AFG2B: variants seen among roughly 807,000 people sequenced by gnomAD.
AFG2B encodes the protein AAA ATPase AFG2B, also known as ATPase family gene 2 protein homolog B.
At chr15:45,403,308 C>T in the AFG2B span, 1 of 1,593,750 alleles carries the variant, frequency 6.3e-7, no homozygotes, top group Non-Finnish European at 8.5e-7. Flanking sequence ...GGGAACTGGC[C>T]AGCCGCGGAC....
the AFG2B span, among the ~76,000 whole-genome samples, chr15:45,413,943 T>C: frequency 6.6e-6 from 1 of 152,208 alleles, no homozygotes; most frequent in African/African-American, 2.4e-5. Flanking sequence ...ACTCATTCAT[T>C]ATTCGGTTTA....
At chr15:45,402,602 TC>T in the AFG2B span, 1 of 1,573,672 alleles carries the variant, frequency 6.4e-7, no homozygotes, top group South Asian at 1.1e-5. Context: ...GGCTCCTGCC[TC>T]TGCACTGCCT....
chr15:45,419,997 CAAAAAA>C, the AFG2B span, among the ~76,000 whole-genome samples: 5 of 53,700 alleles, frequency 9.3e-5, no homozygotes, highest in South Asian at 7.4e-4. Context: ...CCCCCCCCCC[CAAAAAA>C]AAAAAAAAAA....
At chr15:45,415,745 A>C in the AFG2B span, 1 of 1,614,024 alleles carries the variant, frequency 6.2e-7, no homozygotes, top group South Asian at 1.1e-5. Flanking sequence ...GACTTAAGAC[A>C]ATAGAGAGAA....
the AFG2B span, chr15:45,416,944 G>A: frequency 5.3e-6 from 1 of 188,820 alleles, no homozygotes; most frequent in Non-Finnish European, 1.1e-5. Context: ...TGTTTAAGGT[G>A]TAAGCCTTCA....
At chr15:45,407,111 A>C in the AFG2B span, 2 of 1,289,168 alleles carry the variant, frequency 1.6e-6, no homozygotes, top group Non-Finnish European at 2.0e-6. Flanking sequence ...CTGCTACTTC[A>C]GGAGGGGCCT....
At chr15:45,403,162 G>A in the AFG2B span, 1 of 1,459,176 alleles carries the variant, frequency 6.9e-7, no homozygotes, top group Admixed American at 2.6e-5. Context: ...GCCCCCCGGA[G>A]TGGGCAAGAC....
the AFG2B span, chr15:45,420,994 A>C: frequency 6.3e-7 from 1 of 1,579,166 alleles, no homozygotes; most frequent in Non-Finnish European, 8.6e-7. Context: ...CTCCATCTCA[A>C]AGAAAAAAAA....
At chr15:45,410,445 G>A in the AFG2B span, 22 of 1,613,840 alleles carry the variant, frequency 1.4e-5, no homozygotes, top group Admixed American at 1.7e-5. Flanking sequence ...TCATCGTTTC[G>A]AAGCGTCATT....
At chr15:45,402,924 C>A in the AFG2B span, 1 of 1,598,070 alleles carries the variant, frequency 6.3e-7, no homozygotes, top group Non-Finnish European at 8.5e-7. Context: ...CCTTGCACAT[C>A]GTCGGCGGGA....
At chr15:45,408,956 T>C in the AFG2B span, among the ~76,000 whole-genome samples, 1 of 152,204 alleles carries the variant, frequency 6.6e-6, no homozygotes, top group African/African-American at 2.4e-5. Context: ...TTTACTATCA[T>C]GATTGCAAGA....
the AFG2B span, among the ~76,000 whole-genome samples, chr15:45,411,719 TC>T: frequency 6.6e-6 from 1 of 152,124 alleles, no homozygotes; most frequent in Admixed American, 6.5e-5. Context: ...ACCCAGGAGA[TC>T]GAGGCTGCAG....
At chr15:45,403,035 G>A in the AFG2B span, 1 of 1,573,346 alleles carries the variant, frequency 6.4e-7, no homozygotes, top group South Asian at 1.1e-5. Context: ...AGGTGCCCCT[G>A]GGAGGTCTTT....
chr15:45,403,116 G>A, the AFG2B span: 1 of 1,497,456 alleles, frequency 6.7e-7, no homozygotes, highest in Non-Finnish European at 8.9e-7. Flanking sequence ...TGACCGCGCT[G>A]GGCTTAGCGG....
the AFG2B span, chr15:45,403,224 C>G: frequency 4.0e-6 from 6 of 1,515,136 alleles, no homozygotes; most frequent in Non-Finnish European, 5.2e-6. Flanking sequence ...TGCTGGCAGT[C>G]AGCGCCCCGG....
chr15:45,414,989 TC>T, the AFG2B span, among the ~76,000 whole-genome samples: 1 of 152,306 alleles, frequency 6.6e-6, no homozygotes, highest in African/African-American at 2.4e-5. Context: ...ATTTCCTTTG[TC>T]TTTTTTTCTG....
At chr15:45,415,731 G>A in the AFG2B span, 1 of 1,614,050 alleles carries the variant, frequency 6.2e-7, no homozygotes, top group Non-Finnish European at 8.5e-7. Context: ...ATTAGATGGT[G>A]TTGGACTTAA....
chr15:45,407,514 A>G, the AFG2B span, among the ~76,000 whole-genome samples: 1 of 152,246 alleles, frequency 6.6e-6, no homozygotes, highest in East Asian at 1.9e-4. Context: ...TGGACATCAG[A>G]CACCTAACAT....
At chr15:45,402,794 C>T in the AFG2B span, 2 of 1,592,416 alleles carry the variant, frequency 1.3e-6, no homozygotes, top group Non-Finnish European at 8.5e-7. Flanking sequence ...CGGGCAGGCG[C>T]GCCCGGTGCC....
Sources: allele counts gnomAD v4.1 joint callset (sites outside exome capture counted in the v4.1 genomes callset), GRCh38; gene constraint gnomAD v4.1.1; transcripts MANE v1.5; gene names NCBI Gene and HGNC (gene_info 2026-07-23, HGNC 2026-07-21).